The following LDLRAD4 variants were observed in gnomAD, a reference collection of about 807,000 sequenced individuals.
The protein encoded by LDLRAD4 is low-density lipoprotein receptor class A domain-containing protein 4.
A neutral mutation model predicts 17.0 loss-of-function variants in LDLRAD4; 5 were observed. The ratio of observed to expected loss-of-function variants is 0.29; its 90% CI spans 0.15 to 0.62. The LOEUF is 0.62. Ranked by LOEUF, LDLRAD4 falls within the 20% of genes least tolerant of loss-of-function variation. LDLRAD4 has a pLI of 0.84. For missense variants in LDLRAD4, 340 were observed against 424.7 expected, an observed-to-expected ratio of 0.80 and a Z score of 1.75; for synonymous variants, 168 against 171.8, an observed-to-expected ratio of 0.98 and a Z score of 0.17.
At chr18:13,271,189 G>A (rs987480766) in intron 1 of LDLRAD4, among the ~76,000 whole-genome samples, 2 of 152,342 alleles carry the variant, frequency 1.3e-5, no homozygotes, top group South Asian at 2.1e-4. Context: ...AACCATTCTA[G>A]TTAATATAGA....
At chr18:13,568,996 G>A (rs1053602927) in intron 3 of LDLRAD4, among the ~76,000 whole-genome samples, 2 of 152,022 alleles carry the variant, frequency 1.3e-5, no homozygotes, top group Non-Finnish European at 2.9e-5. Context: ...TGTGATGTTT[G>A]TAGGCACCCC....
chr18:13,478,948 A>G (rs556987031), intron 3 of LDLRAD4, among the ~76,000 whole-genome samples: 1 of 152,370 alleles, frequency 6.6e-6, no homozygotes, highest in South Asian at 2.1e-4. Flanking sequence ...CAGAGCAGAC[A>G]GCCCAGAAGC....
intron 1 of LDLRAD4, among the ~76,000 whole-genome samples, chr18:13,225,262 C>A (rs1477583763): frequency 6.6e-6 from 1 of 152,214 alleles, no homozygotes; most frequent in Non-Finnish European, 1.5e-5. Context: ...AAAGGGAGTA[C>A]CCAAGAGATG....
intron 3 of LDLRAD4, among the ~76,000 whole-genome samples, chr18:13,527,632 C>T (rs78212982): frequency 0.011 from 1,689 of 152,318 alleles, 32 homozygotes; most frequent in East Asian, 0.069. Context: ...TGTTAGGACT[C>T]GGCCACATGC....
intron 3 of LDLRAD4, chr18:13,462,317 G>A (rs1207818644): frequency 6.6e-6 from 1 of 152,474 alleles, no homozygotes; most frequent in Non-Finnish European, 1.5e-5. Context: ...GAAGCAAGGG[G>A]TCCATGCAGT....
chr18:13,378,759 C>T (rs762353708), intron 1 of LDLRAD4, among the ~76,000 whole-genome samples: 1 of 152,198 alleles, frequency 6.6e-6, no homozygotes, highest in Non-Finnish European at 1.5e-5. Flanking sequence ...TGTATCCTTT[C>T]TCCTGTTTCT....
At chr18:13,502,983 C>T (rs2093636135) in intron 3 of LDLRAD4, among the ~76,000 whole-genome samples, 1 of 152,220 alleles carries the variant, frequency 6.6e-6, no homozygotes, top group South Asian at 2.1e-4. Context: ...AGAGAGCAGA[C>T]TTTGTGGCAT....
intron 4 of LDLRAD4, among the ~76,000 whole-genome samples, chr18:13,635,931 CTGTG>C (rs60695092): frequency 0.025 from 3,710 of 147,412 alleles, 52 homozygotes; most frequent in Admixed American, 0.044. Flanking sequence ...GACAGCTATG[CTGTG>C]TGTGTGTGTG....
chr18:13,266,758 C>A (rs1053291771), intron 1 of LDLRAD4, among the ~76,000 whole-genome samples: 3 of 152,224 alleles, frequency 2.0e-5, no homozygotes, highest in Admixed American at 2.0e-4. Flanking sequence ...TCCCTGGAGT[C>A]CTGTCCCCAC....
chr18:13,628,023 C>T (rs987962630), intron 4 of LDLRAD4, among the ~76,000 whole-genome samples: 35 of 152,160 alleles, frequency 2.3e-4, no homozygotes, highest in Non-Finnish European at 5.1e-4. Flanking sequence ...GCCCCAGGCT[C>T]AGGGGTGTTT....
At chr18:13,421,846 C>G (rs1314951205) in intron 2 of LDLRAD4, among the ~76,000 whole-genome samples, 1 of 152,200 alleles carries the variant, frequency 6.6e-6, no homozygotes, top group Non-Finnish European at 1.5e-5. Flanking sequence ...AGAAAGCTAG[C>G]CTGGGGGACG....
At chr18:13,359,054 T>G (rs1326442555) in intron 1 of LDLRAD4, among the ~76,000 whole-genome samples, 18 of 152,196 alleles carry the variant, frequency 1.2e-4, no homozygotes, top group Admixed American at 1.2e-3. Flanking sequence ...ACCCCTGGCT[T>G]TTCAGGCTGT....
chr18:13,291,278 A>G (rs2045947873), intron 1 of LDLRAD4, among the ~76,000 whole-genome samples: 1 of 152,214 alleles, frequency 6.6e-6, no homozygotes, highest in Non-Finnish European at 1.5e-5. Flanking sequence ...ATCAGCCACA[A>G]AGCCCTCTGC....
chr18:13,263,643 A>T (rs536858864), intron 1 of LDLRAD4, among the ~76,000 whole-genome samples: 1 of 152,296 alleles, frequency 6.6e-6, no homozygotes, highest in East Asian at 1.9e-4. Flanking sequence ...CTGTGCCCGA[A>T]TTTCTCCATC....
chr18:13,542,354 A>G (rs2094296583), intron 3 of LDLRAD4: 1 of 152,182 alleles, frequency 6.6e-6, no homozygotes, highest in African/African-American at 2.4e-5. Flanking sequence ...GTCCCGGCCC[A>G]GTGTCCTCCA....
intron 4 of LDLRAD4, among the ~76,000 whole-genome samples, chr18:13,632,701 G>A (rs951032687): frequency 1.3e-5 from 2 of 152,198 alleles, no homozygotes; most frequent in African/African-American, 4.8e-5. Flanking sequence ...TTATGTTACA[G>A]CTCTTTTAGT....
At chr18:13,255,551 G>A (rs1000511209) in intron 1 of LDLRAD4, among the ~76,000 whole-genome samples, 4 of 152,206 alleles carry the variant, frequency 2.6e-5, no homozygotes, top group African/African-American at 9.6e-5. Context: ...GTGGGTATGT[G>A]TGATTTCCCA....
At chr18:13,348,873 G>C (rs373807770) in intron 1 of LDLRAD4, among the ~76,000 whole-genome samples, 7 of 152,306 alleles carry the variant, frequency 4.6e-5, no homozygotes, top group African/African-American at 1.4e-4. Context: ...CTCCGAGCCA[G>C]GCACGGGATA....
At chr18:13,481,610 G>A (rs535571681) in intron 3 of LDLRAD4, among the ~76,000 whole-genome samples, 40 of 152,116 alleles carry the variant, frequency 2.6e-4, no homozygotes, top group East Asian at 1.4e-3. Context: ...CCCACCGCAC[G>A]CACCTCTTCT....
Sources: gnomAD v4.1 joint callset for allele counts (sites outside exome capture counted in the v4.1 genomes callset) on GRCh38, gnomAD v4.1.1 for gene constraint, MANE v1.5 for transcripts, NCBI Gene and HGNC (gene_info 2026-07-23, HGNC 2026-07-21) for gene names.